Variants in CTNND2 observed in about 807,000 individuals in gnomAD.
The protein encoded by CTNND2 is catenin delta 2.
A neutral mutation model predicts 144.4 loss-of-function variants in CTNND2; 22 were observed. The observed-to-expected ratio is 0.15, with a 90% CI of 0.11 to 0.22. The LOEUF is 0.22. CTNND2 is among the 10% of genes least tolerant of loss of function. The probability of loss-of-function intolerance (pLI) is 1.00; values close to 1 mark genes in which losing one functional copy is unlikely to be tolerated. For synonymous variants in CTNND2, 751 were observed against 695.6 expected, an observed-to-expected ratio of 1.08 and a Z score of -1.25; for missense variants, 1,353 against 1,618.8, an observed-to-expected ratio of 0.84 and a Z score of 2.82.
intron 2 of CTNND2, among the ~76,000 whole-genome samples, chr5:11,618,707 T>C (rs1780694696): frequency 6.6e-6 from 1 of 152,200 alleles, no homozygotes; most frequent in Non-Finnish European, 1.5e-5. Context: ...AATTGATTTT[T>C]TTCACAGTCA....
intron 3 of CTNND2, among the ~76,000 whole-genome samples, chr5:11,508,670 G>A (rs963544627): frequency 6.6e-6 from 1 of 152,158 alleles, no homozygotes; most frequent in Admixed American, 6.5e-5. Flanking sequence ...CCAGCACTAC[G>A]GGAGGCCGAG....
intron 3 of CTNND2, among the ~76,000 whole-genome samples, chr5:11,438,664 T>C (rs1356665396): frequency 2.0e-5 from 3 of 152,240 alleles, no homozygotes; most frequent in Non-Finnish European, 2.9e-5. Flanking sequence ...GGAGGCTATT[T>C]GGATGTGGAC....
At chr5:11,902,473 A>G (rs969020083) in intron 1 of CTNND2, among the ~76,000 whole-genome samples, 2 of 152,182 alleles carry the variant, frequency 1.3e-5, no homozygotes, top group African/African-American at 4.8e-5. Flanking sequence ...AATGACCAGC[A>G]GCAGAGACCA....
At chr5:11,668,020 G>C (rs1249768245) in intron 2 of CTNND2, among the ~76,000 whole-genome samples, 2 of 152,166 alleles carry the variant, frequency 1.3e-5, no homozygotes, top group African/African-American at 4.8e-5. Context: ...ATTAAATAGG[G>C]AATCCTTTCC....
intron 1 of CTNND2, among the ~76,000 whole-genome samples, chr5:11,739,856 A>G (rs905307545): frequency 7.2e-5 from 11 of 152,204 alleles, no homozygotes; most frequent in Non-Finnish European, 2.9e-5. Flanking sequence ...CTCAGGATAC[A>G]AAATCACTGT....
chr5:11,254,864 A>G (rs985713816), intron 9 of CTNND2, among the ~76,000 whole-genome samples: 2 of 152,150 alleles, frequency 1.3e-5, no homozygotes, highest in African/African-American at 4.8e-5. Context: ...TGTATACTAT[A>G]TTATGCACAT....
At chr5:11,809,249 G>A (rs1448831968) in intron 1 of CTNND2, among the ~76,000 whole-genome samples, 2 of 152,150 alleles carry the variant, frequency 1.3e-5, no homozygotes, top group African/African-American at 4.8e-5. Flanking sequence ...TCCATTGATT[G>A]TATCACTTTC....
intron 1 of CTNND2, among the ~76,000 whole-genome samples, chr5:11,882,613 CA>C (rs1050452736): frequency 1.3e-5 from 2 of 151,954 alleles, no homozygotes; most frequent in African/African-American, 4.8e-5. Flanking sequence ...ATCGGTTAAC[CA>C]GAAGTACATG....
intron 3 of CTNND2, among the ~76,000 whole-genome samples, chr5:11,510,925 T>C (rs1771577907): frequency 8.5e-6 from 1 of 117,562 alleles, no homozygotes; most frequent in Admixed American, 8.2e-5. Context: ...AAAGAGACTC[T>C]ATCTCAAAAA....
chr5:11,129,815 A>G (rs1315425636), intron 12 of CTNND2, among the ~76,000 whole-genome samples: 1 of 152,120 alleles, frequency 6.6e-6, no homozygotes, highest in Non-Finnish European at 1.5e-5. Flanking sequence ...ATGAATTCCC[A>G]TAACATTATG....
At chr5:11,734,406 C>T (rs760222524) in intron 1 of CTNND2, among the ~76,000 whole-genome samples, 8 of 152,124 alleles carry the variant, frequency 5.3e-5, no homozygotes, top group Non-Finnish European at 8.8e-5. Flanking sequence ...GCAGGTTTTG[C>T]CCATGCTGTT....
chr5:11,737,254 G>A (rs901703411), intron 1 of CTNND2, among the ~76,000 whole-genome samples: 19 of 152,240 alleles, frequency 1.2e-4, no homozygotes, highest in African/African-American at 4.6e-4. Flanking sequence ...TCAGGCTTTT[G>A]CCAACCTGAT....
intron 2 of CTNND2, among the ~76,000 whole-genome samples, chr5:11,628,727 A>C (rs1218238956): frequency 6.6e-6 from 1 of 152,220 alleles, no homozygotes; most frequent in Non-Finnish European, 1.5e-5. Flanking sequence ...ACTTTTTGTA[A>C]AATTATATTT....
intron 2 of CTNND2, among the ~76,000 whole-genome samples, chr5:11,611,711 G>A (rs947005939): frequency 2.6e-5 from 4 of 152,184 alleles, no homozygotes; most frequent in African/African-American, 4.8e-5. Context: ...CCGGGAGGCC[G>A]AGGCTGCAGT....
intron 15 of CTNND2, among the ~76,000 whole-genome samples, chr5:11,097,637 G>T (rs922782200): frequency 3.3e-5 from 5 of 152,180 alleles, no homozygotes; most frequent in African/African-American, 1.2e-4. Context: ...AAAGGGGAGG[G>T]TGTAGTTACA....
chr5:11,010,457 A>G (rs1740955581), intron 18 of CTNND2, among the ~76,000 whole-genome samples: 1 of 152,200 alleles, frequency 6.6e-6, no homozygotes, highest in Non-Finnish European at 1.5e-5. Context: ...GTATCTTTCT[A>G]ATTCTCACTG....
At chr5:11,469,425 C>T (rs1766958928) in intron 3 of CTNND2, among the ~76,000 whole-genome samples, 1 of 152,158 alleles carries the variant, frequency 6.6e-6, no homozygotes, top group South Asian at 2.1e-4. Context: ...ACGAAATCCA[C>T]AATCCTTTAA....
At chr5:11,716,887 G>A (rs1786382577) in intron 2 of CTNND2, among the ~76,000 whole-genome samples, 1 of 151,628 alleles carries the variant, frequency 6.6e-6, no homozygotes, top group Admixed American at 6.6e-5. Context: ...TTTGTATTTT[G>A]AGATGGAGTC....
At chr5:11,533,520 G>A (rs1490535736) in intron 3 of CTNND2, among the ~76,000 whole-genome samples, 2 of 152,224 alleles carry the variant, frequency 1.3e-5, no homozygotes, top group East Asian at 3.9e-4. Flanking sequence ...CAGAGGTCCA[G>A]TGTGAGCCAG....
Sources: allele counts gnomAD v4.1 joint callset (sites outside exome capture counted in the v4.1 genomes callset), GRCh38; gene constraint gnomAD v4.1.1; transcripts MANE v1.5; gene names NCBI Gene and HGNC (gene_info 2026-07-23, HGNC 2026-07-21).